The following ITSN2 variants were observed in gnomAD, a reference collection of about 807,000 sequenced individuals.
ITSN2 encodes the protein intersectin-2.
A neutral mutation model predicts 243.7 loss-of-function variants in ITSN2; 156 were observed. The observed-to-expected ratio is 0.64, with a 90% CI of 0.56 to 0.73. ITSN2 has a LOEUF of 0.73. ITSN2 is among the 30% of genes least tolerant of loss of function. The pLI, the probability that ITSN2 is intolerant of heterozygous loss-of-function variation, is 0.00. For synonymous variants in ITSN2, 703 were observed against 699.9 expected (o/e 1.00, Z -0.07); for missense variants, 1,801 against 1,996.1 (o/e 0.90, Z 1.86).
At chr2:24,301,042 C>A (rs1681655554) in intron 11 of ITSN2, 112 bp downstream of exon 11, 3 of 584,324 alleles carry the variant, frequency 5.1e-6, no homozygotes, top group African/African-American at 1.9e-5. Context: ...AGTTTTTTCT[C>A]ATATAGCACA....
Position 24,301,981 on chromosome 2 carries a change from C to A in ITSN2, c.979G>T (p.Val327Phe). 6.2e-7 allele frequency: 1 copy of A among 1,609,496 alleles called. No individual in the cohort carries two copies. Among genetic ancestry groups the A allele is most frequent in the Non-Finnish European group, 8.5e-7 (1 of 1,177,640 alleles). ...CACACTCACCTGAAAGATGGAGGAA[C>A]AAGCTCAGGAGGTAAAGTCAGTGGT... ...PLPLTLPPEL[V>F]PPSFRGGKQI... Residue 327 changes from valine (V) to phenylalanine (F), a missense_variant, in exon 10 of 40, where the codon GTT becomes TTT. By Grantham distance (50) the Val-to-Phe change is conservative. Coordinates refer to ENST00000355123, the MANE Select transcript of ITSN2 (RefSeq NM_006277.3).
intron 3 of ITSN2, 66 bp downstream of exon 3, chr2:24,315,066 A>T: frequency 1.4e-6 from 1 of 729,938 alleles, no homozygotes; most frequent in Non-Finnish European, 2.2e-6. Context: ...CAGTCAAATT[A>T]AAACTAATTC....
intron 25 of ITSN2, among the ~76,000 whole-genome samples, chr2:24,252,020 A>T (rs181548348): frequency 6.6e-6 from 1 of 152,292 alleles, no homozygotes; most frequent in East Asian, 1.9e-4. Context: ...GAACTACTTC[A>T]AGGTGGTCCT....
At chr2:24,220,409 G>A (rs1173089124) in intron 30 of ITSN2, 7 of 985,072 alleles carry the variant, frequency 7.1e-6, no homozygotes, top group Non-Finnish European at 8.4e-6. Context: ...CAGCGTAGAG[G>A]TCACTGGTAT....
chr2:24,237,306 C>T (rs1397898286), intron 29 of ITSN2, among the ~76,000 whole-genome samples: 1 of 152,110 alleles, frequency 6.6e-6, no homozygotes. Context: ...GTTGCAGAGC[C>T]AAAATTTCAT....
In ITSN2 at chr2:24,352,510, A is replaced by G. The variant is rs556144293; in HGVS notation, c.-34+7794T>C. Among the ~76,000 whole-genome samples the G allele has an allele frequency of 2.7e-3, 418 of 152,264 alleles. 4 individuals carry two copies. Among genetic ancestry groups the G allele is most frequent in the African/African-American group, 9.2e-3 (382 of 41,556 alleles). ...AGAGGCTTAGGGTCCCAAATATACA[A>G]AGCATTAAGACCTAAAAGCCTCAAA... On this transcript the variant is annotated intron_variant, in intron 1 of 39. Transcript: ENST00000355123.
At chr2:24,208,197 C>T (rs1480177895) in intron 37 of ITSN2, 40 bp downstream of exon 37, 1 of 1,541,178 alleles carries the variant, frequency 6.5e-7, no homozygotes, top group Non-Finnish European at 9.0e-7. Context: ...ATTCCTAGGG[C>T]CCCTGGGGGC....
At chr2:24,300,684 A>G (rs1331145496) in intron 11 of ITSN2, among the ~76,000 whole-genome samples, 1 of 147,538 alleles carries the variant, frequency 6.8e-6, no homozygotes, top group East Asian at 2.0e-4. Context: ...GTGCTGTTGC[A>G]CTCCAGCCTG....
At chr2:24,245,180 CTAGA>C (rs1383691636) in intron 29 of ITSN2, among the ~76,000 whole-genome samples, 1 of 152,076 alleles carries the variant, frequency 6.6e-6, no homozygotes, top group Non-Finnish European at 1.5e-5. Flanking sequence ...AAAAGAACGG[CTAGA>C]TAAATACAGA....
intron 20 of ITSN2, among the ~76,000 whole-genome samples, chr2:24,264,038 A>G (rs1388710141): frequency 6.6e-6 from 1 of 152,178 alleles, no homozygotes; most frequent in Non-Finnish European, 1.5e-5. Context: ...AATGCATTTT[A>G]GAATATTCAA....
chr2:24,306,855 G>C (rs1682612508), intron 8 of ITSN2, among the ~76,000 whole-genome samples: 1 of 151,884 alleles, frequency 6.6e-6, no homozygotes, highest in Non-Finnish European at 1.5e-5. Flanking sequence ...TGCCAGGCTG[G>C]AGTGCACTGG....
chr2:24,260,839 G>A (rs1339222827), intron 22 of ITSN2, among the ~76,000 whole-genome samples: 3 of 148,682 alleles, frequency 2.0e-5, no homozygotes, highest in Non-Finnish European at 4.4e-5. Flanking sequence ...GGGAGCCGGA[G>A]GTTGCAGTGA....
At chr2:24,298,604 C>A (rs771579233) in intron 13 of ITSN2, 61 bp downstream of exon 13, 1 of 1,504,630 alleles carries the variant, frequency 6.6e-7, no homozygotes, top group African/African-American at 1.4e-5. Context: ...CCCACAATTA[C>A]ATTTTTCAAC....
chr2:24,287,944 T>G (rs1679724520), intron 15 of ITSN2, among the ~76,000 whole-genome samples: 1 of 152,170 alleles, frequency 6.6e-6, no homozygotes, highest in Admixed American at 6.5e-5. Context: ...ATAAACCACT[T>G]ATCAGATACA....
At chr2:24,282,268 T>A (rs779388046) in intron 17 of ITSN2, among the ~76,000 whole-genome samples, 5 of 152,046 alleles carry the variant, frequency 3.3e-5, no homozygotes, top group Non-Finnish European at 7.4e-5. Context: ...TGGAAGAGCA[T>A]GTCAACAGGC....
At chr2:24,291,405 A>G (rs552224805) in intron 15 of ITSN2, among the ~76,000 whole-genome samples, 1 of 152,146 alleles carries the variant, frequency 6.6e-6, no homozygotes, top group South Asian at 2.1e-4. Flanking sequence ...CTGGGATTAC[A>G]GGCATGAGCC....
Position 24,261,110 on chromosome 2 carries a change from C to G in ITSN2, c.2678G>C (p.Gly893Ala), listed in dbSNP as rs41281485. The change falls in exon 22 of 40, where the codon GGA (glycine) becomes GCA (alanine). Residue 893 changes from glycine (G) to alanine (A), a missense_variant. This residue lies in a region of ITSN2 where 928 missense variants were observed against 1,065.4 expected (regional missense o/e 0.87). Coordinates refer to ENST00000355123, the MANE Select transcript of ITSN2 (RefSeq NM_006277.3). ...CAAAAATAACAGACAACATACCTGTCCATGAATAGGTGATACAGATCCAGG... is the reference window on the plus strand; with the variant it reads ...CAAAAATAACAGACAACATACCTGTGCATGAATAGGTGATACAGATCCAGG... ...VSPGSVSPIH[G>A]QGQVVENLKA... The G allele has an allele frequency of 7.9e-3, 12,687 of 1,612,570 alleles. 60 individuals are homozygous for G. The highest frequency in any genetic ancestry group is 9.5e-3 in the Non-Finnish European group (11,238 of 1,179,374).
chr2:24,325,930 CACACACACACAT>C (rs763426929), intron 2 of ITSN2, among the ~76,000 whole-genome samples: 105 of 151,730 alleles, frequency 6.9e-4, no homozygotes, highest in Middle Eastern at 3.4e-3. Context: ...TATATACATA[CACACACACACAT>C]ACACACACAC....
chr2:24,310,781 C>T, intron 5 of ITSN2, 89 bp from the exon 6 acceptor site: 1 of 1,005,660 alleles, frequency 9.9e-7, no homozygotes, highest in Non-Finnish European at 1.5e-6. Context: ...AGTGGGCAGA[C>T]TCTATGTTTA....
Sources: gnomAD v4.1 joint callset for allele counts (sites outside exome capture counted in the v4.1 genomes callset) on GRCh38, gnomAD v4.1.1 for gene constraint, gnomAD v4.1.1 regional missense constraint, MANE v1.5 for transcripts, NCBI Gene and HGNC (gene_info 2026-07-23, HGNC 2026-07-21) for gene names.